GALNT17: variants seen among roughly 807,000 people sequenced by gnomAD.
GALNT17 encodes the protein polypeptide N-acetylgalactosaminyltransferase 17.
Under a neutral mutation model 63.7 loss-of-function variants are expected in GALNT17, and 29 were observed. That is an observed-to-expected ratio of 0.46 (90% CI 0.34 to 0.62). The LOEUF is 0.62. Among genes scored for constraint, GALNT17 ranks in the 20% least tolerant of loss-of-function variants. GALNT17 has a pLI of 0.01. For missense variants in GALNT17, 603 were observed against 799.6 expected, an observed-to-expected ratio of 0.75 and a Z score of 2.97; for synonymous variants, 305 against 318.3, an observed-to-expected ratio of 0.96 and a Z score of 0.45.
At chr7:71,388,200 C>G (rs1256641888) in intron 2 of GALNT17, 35 bp from the exon 3 acceptor site, 2 of 1,604,010 alleles carry the variant, frequency 1.2e-6, no homozygotes, top group African/African-American at 2.7e-5. Flanking sequence ...TTTATCCTTC[C>G]TCTGACTCTG....
At chr7:71,225,961 AT>A (rs971780145) in intron 1 of GALNT17, among the ~76,000 whole-genome samples, 1 of 152,196 alleles carries the variant, frequency 6.6e-6, no homozygotes. Context: ...TTTGTAAAAA[AT>A]TGTGTGTATA....
intron 5 of GALNT17, among the ~76,000 whole-genome samples, chr7:71,490,324 G>A (rs1311446134): frequency 6.6e-6 from 1 of 151,614 alleles, no homozygotes; most frequent in Non-Finnish European, 1.5e-5. Flanking sequence ...GCCTGTTTTC[G>A]TCTCTTTCTT....
intron 1 of GALNT17, among the ~76,000 whole-genome samples, chr7:71,240,679 T>TTG (rs1789978101): frequency 6.6e-6 from 1 of 151,510 alleles, no homozygotes. Context: ...TTTTTTCCTT[T>TTG]TTTTTGAGAT....
At chr7:71,531,205 A>C (rs191817730) in intron 5 of GALNT17, among the ~76,000 whole-genome samples, 6 of 152,218 alleles carry the variant, frequency 3.9e-5, no homozygotes, top group Admixed American at 3.3e-4. Context: ...AATCAATGCT[A>C]TAAACCTATC....
intron 1 of GALNT17, among the ~76,000 whole-genome samples, chr7:71,239,150 G>C (rs1455169867): frequency 6.6e-6 from 1 of 152,134 alleles, no homozygotes; most frequent in Non-Finnish European, 1.5e-5. Flanking sequence ...CCCACCCATA[G>C]AAACTCTGGG....
chr7:71,283,423 G>A (rs960313771), intron 1 of GALNT17, among the ~76,000 whole-genome samples: 2 of 151,980 alleles, frequency 1.3e-5, no homozygotes, highest in South Asian at 2.1e-4. Context: ...ACAGCAACCT[G>A]CAAATTATTC....
At chr7:71,210,837 A>C (rs1318955643) in intron 1 of GALNT17, among the ~76,000 whole-genome samples, 1 of 152,188 alleles carries the variant, frequency 6.6e-6, no homozygotes, top group South Asian at 2.1e-4. Context: ...GGGAGACTGC[A>C]GGTGATGGAC....
At chr7:71,481,606 A>T (rs1787818864) in intron 5 of GALNT17, among the ~76,000 whole-genome samples, 1 of 152,050 alleles carries the variant, frequency 6.6e-6, no homozygotes. Flanking sequence ...TGCAGGGGGA[A>T]ACAGCAGCCG....
chr7:71,594,047 G>A (rs1045609334), intron 6 of GALNT17, among the ~76,000 whole-genome samples: 11 of 151,554 alleles, frequency 7.3e-5, no homozygotes, highest in African/African-American at 2.4e-4. Context: ...TTTGGCTCTT[G>A]TTGACACACA....
At chr7:71,319,821 G>C (rs191839399) in intron 1 of GALNT17, among the ~76,000 whole-genome samples, 1 of 152,264 alleles carries the variant, frequency 6.6e-6, no homozygotes, top group Non-Finnish European at 1.5e-5. Flanking sequence ...GTAAGCTGAG[G>C]TTTGGCTGAT....
chr7:71,707,636 C>A (rs1387125529), intron 9 of GALNT17, among the ~76,000 whole-genome samples: 2 of 152,316 alleles, frequency 1.3e-5, no homozygotes, highest in Middle Eastern at 3.4e-3. Context: ...CTCATTCGTG[C>A]ATCTCCTATC....
intron 6 of GALNT17, among the ~76,000 whole-genome samples, chr7:71,647,308 A>T (rs887780440): frequency 1.3e-5 from 2 of 150,296 alleles, no homozygotes; most frequent in African/African-American, 5.0e-5. Flanking sequence ...ACTTCAAGTG[A>T]TCTGCCTGCC....
rs146923430 is a variant in GALNT17, at chr7:71,342,391, C to T, written c.422+6658C>T. Among the ~76,000 whole-genome samples the T allele has an allele frequency of 9.6e-3, 1,457 of 152,284 alleles. 10 individuals are homozygous for T. The highest frequency in any genetic ancestry group is 0.017 in the Non-Finnish European group (1,138 of 68,026). ...GCACTAAGCCATTTATGGAGATCCA[C>T]CCCCATGATCCAGACACCTCCCACT... is the stretch of plus-strand genomic sequence containing the variant. On this transcript the variant is annotated intron_variant, in intron 2 of 10. Coordinates refer to ENST00000333538, the MANE Select transcript of GALNT17 (RefSeq NM_022479.3).
chr7:71,576,215 C>T (rs1272973853), intron 6 of GALNT17, among the ~76,000 whole-genome samples: 2 of 152,188 alleles, frequency 1.3e-5, no homozygotes, highest in African/African-American at 4.8e-5. Context: ...TAAAGGAAGA[C>T]AAGGGAGACA....
At chr7:71,193,773 CT>C (rs1788996427) in intron 1 of GALNT17, among the ~76,000 whole-genome samples, 1 of 152,010 alleles carries the variant, frequency 6.6e-6, no homozygotes, top group Non-Finnish European at 1.5e-5. Flanking sequence ...CATTGATTTC[CT>C]TTTTGCTTCT....
rs535594671 is a variant in GALNT17 at position 71,466,188 on chromosome 7, T to C, written c.962+45083T>C. Reference sequence around the variant, plus strand: ...ATATTTTGATTTTGCAAATCAAAAATAAAAGTCCTCCTGCTGACTAAATGG... The same window carrying C: ...ATATTTTGATTTTGCAAATCAAAAACAAAAGTCCTCCTGCTGACTAAATGG... On this transcript the variant is annotated intron_variant, in intron 5 of 10. Coordinates refer to ENST00000333538, the MANE Select transcript of GALNT17 (RefSeq NM_022479.3). Among the ~76,000 whole-genome samples, 103 of 152,206 alleles carry C rather than the reference T, an allele frequency of 6.8e-4. 1 individual carries two copies. Among genetic ancestry groups the C allele is most frequent in the African/African-American group, 2.4e-3 (99 of 41,552 alleles).
At chr7:71,186,592 C>A (rs17142820) in intron 1 of GALNT17, among the ~76,000 whole-genome samples, 4,223 of 152,288 alleles carry the variant, frequency 0.028, 170 homozygotes, top group East Asian at 0.11. Context: ...AGTCCCTCCT[C>A]CCAGATTTCA....
intron 5 of GALNT17, among the ~76,000 whole-genome samples, chr7:71,475,971 ATAC>A (rs72169387): frequency 0.15 from 22,526 of 152,064 alleles, 2,246 homozygotes; most frequent in East Asian, 0.54. Flanking sequence ...AATTTTAGTG[ATAC>A]TACTACTCCT....
chr7:71,240,673 TTCC>T lies in GALNT17; in HGVS notation c.239-94875_239-94873del, dbSNP rs1294390407. Among the ~76,000 whole-genome samples the T allele has an allele frequency of 2.7e-5, 4 of 148,818 alleles. 1 individual carries two copies. The highest frequency in any genetic ancestry group is 6.0e-5 in the Non-Finnish European group (4 of 67,124). On this transcript the variant is annotated intron_variant, in intron 1 of 10. Coordinates refer to ENST00000333538, the MANE Select transcript of GALNT17 (RefSeq NM_022479.3). Reference sequence around the variant, plus strand: ...GTACCATATTTTCTTTTTTCTTTTTTTCCTTTTTTTTGAGATGGAGTCTCGCTG... The same window carrying T: ...GTACCATATTTTCTTTTTTCTTTTTTTTTTTTTTGAGATGGAGTCTCGCTG...
Sources: gnomAD v4.1 joint callset for allele counts (sites outside exome capture counted in the v4.1 genomes callset) on GRCh38, gnomAD v4.1.1 for gene constraint, MANE v1.5 for transcripts, NCBI Gene and HGNC (gene_info 2026-07-23, HGNC 2026-07-21) for gene names.